DMD: variants seen among roughly 807,000 people sequenced by gnomAD.
The protein encoded by DMD is mutant dystrophin.
In DMD, 63 loss-of-function variants were observed where a neutral mutation model predicts 330.1. The observed-to-expected ratio is 0.19, with a 90% CI of 0.16 to 0.24. The LOEUF is 0.24. DMD is among the 10% of genes least tolerant of loss of function. The pLI is 1.00. For missense variants in DMD, 3,344 were observed against 2,684.1 expected (o/e 1.25, Z -5.43); for synonymous variants, 1,223 against 959.8 (o/e 1.27, Z -5.07).
chrX:31,178,091 G>C (rs2040733547), intron 70 of DMD, 121 bp from the exon 71 acceptor site: 10 of 1,085,521 alleles, frequency 9.2e-6, no homozygotes, highest in Non-Finnish European at 1.1e-5. Context: ...GAAAGCAATA[G>C]CCAAACCAAG....
chrX:31,868,382 T>G (rs1366259083), intron 48 of DMD, among the ~76,000 whole-genome samples: 2 of 112,430 alleles, frequency 1.8e-5, no homozygotes, highest in Admixed American at 1.9e-4. Context: ...TTAATCTTTT[T>G]ATCCCTGCCT....
At chrX:31,784,485 A>G (rs748977603) in intron 50 of DMD, among the ~76,000 whole-genome samples, 90 of 111,995 alleles carry the variant, frequency 8.0e-4, no homozygotes, top group African/African-American at 2.8e-3. Flanking sequence ...CCAGTCCTCA[A>G]AAAATAAAAA....
chrX:32,448,429 T>C, intron 27 of DMD, 27 bp downstream of exon 27: 1 of 1,202,762 alleles, frequency 8.3e-7, no homozygotes, highest in Non-Finnish European at 1.1e-6. Flanking sequence ...GACATATCAT[T>C]GACAAAGACC....
intron 43 of DMD, among the ~76,000 whole-genome samples, chrX:32,229,905 A>G (rs1167303199): frequency 9.3e-6 from 1 of 107,007 alleles, no homozygotes; most frequent in African/African-American, 3.4e-5. Flanking sequence ...CAGCATTATT[A>G]GCTATAGGCA....
At chrX:32,419,385 C>G (rs761974956) in intron 29 of DMD, among the ~76,000 whole-genome samples, 1 of 112,001 alleles carries the variant, frequency 8.9e-6, no homozygotes, top group South Asian at 3.7e-4. Flanking sequence ...GTTCCTTGGA[C>G]AAGAAAGACT....
chrX:31,545,409 C>T (rs1421687471), intron 55 of DMD, among the ~76,000 whole-genome samples: 2 of 112,292 alleles, frequency 1.8e-5, no homozygotes, highest in Non-Finnish European at 3.8e-5. Context: ...TCTGGGATTC[C>T]TTCTGACACT....
intron 11 of DMD, among the ~76,000 whole-genome samples, chrX:32,627,630 G>A (rs1224936775): frequency 9.0e-6 from 1 of 110,583 alleles, no homozygotes; most frequent in African/African-American, 3.3e-5. Flanking sequence ...TGGCTCCGGG[G>A]CCTGCTTCAC....
chrX:31,865,239 C>G (rs1480712928), intron 48 of DMD, among the ~76,000 whole-genome samples: 1 of 111,943 alleles, frequency 8.9e-6, no homozygotes, highest in Non-Finnish European at 1.9e-5. Context: ...CAGAATTATA[C>G]TCTTGCCCAG....
chrX:33,039,000 G>GA (rs2094252233), intron 1 of DMD, among the ~76,000 whole-genome samples: 1 of 109,889 alleles, frequency 9.1e-6, no homozygotes, highest in Non-Finnish European at 1.9e-5. Flanking sequence ...TCTCAAAAAA[G>GA]AAAAAAAAGA....
chrX:32,625,491 A>G (rs2058289058), intron 11 of DMD, among the ~76,000 whole-genome samples: 1 of 112,185 alleles, frequency 8.9e-6, no homozygotes, highest in African/African-American at 3.2e-5. Flanking sequence ...GTACTTATCC[A>G]TACCAATTTA....
At chrX:32,216,874 T>A (rs1569551374) in intron 44 of DMD, 42 bp downstream of exon 44, 5 of 1,152,669 alleles carry the variant, frequency 4.3e-6, no homozygotes, top group Non-Finnish European at 5.9e-6. Flanking sequence ...CCAGATGTGC[T>A]GAAGATAAAT....
intron 63 of DMD, among the ~76,000 whole-genome samples, chrX:31,259,912 C>G (rs1184057155): frequency 9.0e-6 from 1 of 110,788 alleles, no homozygotes; most frequent in Non-Finnish European, 1.9e-5. Context: ...ATCACATAAC[C>G]TTAAATCCAA....
intron 9 of DMD, among the ~76,000 whole-genome samples, chrX:32,683,632 G>A (rs2062607477): frequency 1.2e-5 from 1 of 82,640 alleles, no homozygotes; most frequent in Admixed American, 1.5e-4. Flanking sequence ...ATCACACACT[G>A]GGTCCCGTAG....
chrX:31,704,997 G>GA (rs1236458846), intron 52 of DMD, among the ~76,000 whole-genome samples: 1 of 112,048 alleles, frequency 8.9e-6, no homozygotes, highest in African/African-American at 3.2e-5. Context: ...TAATTAAAAG[G>GA]AAAAACTAAA....
At chrX:32,977,986 C>T (rs7890963) in intron 2 of DMD, among the ~76,000 whole-genome samples, 2,116 of 111,341 alleles carry the variant, frequency 0.019, 58 homozygotes, top group African/African-American at 0.066. Context: ...GAGGAAATAC[C>T]GAGCAAATAA....
chrX:32,584,069 G>C (rs1366840320), intron 13 of DMD, among the ~76,000 whole-genome samples: 1 of 110,759 alleles, frequency 9.0e-6, no homozygotes, highest in Non-Finnish European at 1.9e-5. Context: ...AGAATACCCA[G>C]AATATATATA....
chrX:32,614,471 G>A lies in DMD; in HGVS notation c.1332-18C>T, dbSNP rs193153078. Reference sequence around the variant, plus strand: ...TATGTAAACTGAAAATTTGAAAGAAGCCTATTATGACCTCTTTGAAAGCAA... The same window carrying A: ...TATGTAAACTGAAAATTTGAAAGAAACCTATTATGACCTCTTTGAAAGCAA... On this transcript the variant is annotated intron_variant, in intron 11 of 78. Coordinates refer to ENST00000357033, the MANE Select transcript of DMD (RefSeq NM_004006.3). 1,670 of 1,182,500 alleles carry A rather than the reference G, an allele frequency of 1.4e-3. 10 individuals are homozygous for A. In the African/African-American group the frequency reaches 0.026, roughly 18 times the overall value.
chrX:32,693,077 A>G (rs1246843454), intron 9 of DMD, among the ~76,000 whole-genome samples: 1 of 111,636 alleles, frequency 9.0e-6, no homozygotes, highest in African/African-American at 3.3e-5. Context: ...GGGGCAGAAG[A>G]GTATAGGTAA....
chrX:31,810,930 A>G (rs769186662), intron 50 of DMD, among the ~76,000 whole-genome samples: 10 of 112,007 alleles, frequency 8.9e-5, no homozygotes, highest in Non-Finnish European at 1.5e-4. Flanking sequence ...GTTAAATAGC[A>G]TAAGAAGGTT....
Sources: allele counts gnomAD v4.1 joint callset (sites outside exome capture counted in the v4.1 genomes callset), GRCh38; gene constraint gnomAD v4.1.1; transcripts MANE v1.5; gene names NCBI Gene and HGNC (gene_info 2026-07-23, HGNC 2026-07-21).